The following ULK2 variants were observed in gnomAD, a reference collection of about 807,000 sequenced individuals.
ULK2 encodes unc-51 like autophagy activating kinase 2.
Under a neutral mutation model 127.5 loss-of-function variants are expected in ULK2, and 76 were observed. The ratio of observed to expected loss-of-function variants is 0.60; its 90% CI spans 0.50 to 0.72. ULK2 has a LOEUF of 0.72. Among genes scored for constraint, ULK2 ranks in the 30% least tolerant of loss-of-function variants. The pLI, the probability that ULK2 is intolerant of heterozygous loss-of-function variation, is 0.00. For missense variants in ULK2, 1,144 were observed against 1,295.9 expected (o/e 0.88, Z 1.80); for synonymous variants, 452 against 461.9 (o/e 0.98, Z 0.28).
chr17:19,842,747 G>A (rs2041795578), intron 8 of ULK2, among the ~76,000 whole-genome samples: 1 of 152,040 alleles, frequency 6.6e-6, no homozygotes, highest in Non-Finnish European at 1.5e-5. Context: ...GTCAGAAATA[G>A]AGAGCTAGAG....
At chr17:19,848,956 C>CT (rs1567722807) in intron 5 of ULK2, among the ~76,000 whole-genome samples, 1 of 151,944 alleles carries the variant, frequency 6.6e-6, no homozygotes, top group Non-Finnish European at 1.5e-5. Context: ...TTTTTGTTGC[C>CT]TTTTTTTAAT....
At chr17:19,827,784 C>T (rs1010140267) in intron 10 of ULK2, among the ~76,000 whole-genome samples, 1 of 152,088 alleles carries the variant, frequency 6.6e-6, no homozygotes, top group African/African-American at 2.4e-5. Context: ...GTGGCACATG[C>T]CTGTAATCCC....
rs756982575 is a variant in ULK2 at position 19,846,910 on chromosome 17, G to C, written c.296C>G (p.Ala99Gly). Reference sequence around the variant, plus strand: ...CGTGTCTTCACTGAGAGTCCCTTTCGCTGGTACAAAAGGAGTCACGTAAAT... The same window carrying C: ...CGTGTCTTCACTGAGAGTCCCTTTCCCTGGTACAAAAGGAGTCACGTAAAT... Reference protein sequence around the residue: ...NGGDLADYLQAKGTLSEDTIR... With the variant: ...NGGDLADYLQGKGTLSEDTIR... The change falls in exon 6 of 27, where the codon GCG becomes GGG. Residue 99 changes from alanine to glycine, a missense_variant and splice_region_variant. Around this residue, in one of 2 missense-constraint regions of ULK2, gnomAD observed 231 missense variants for 325.4 expected, o/e 0.71. Coordinates refer to ENST00000395544, the MANE Select transcript of ULK2 (RefSeq NM_014683.4). 3 of 1,605,608 alleles carry C rather than the reference G, an allele frequency of 1.9e-6. No individual in the cohort carries two copies. Among genetic ancestry groups the C allele is most frequent in the Admixed American group, 3.4e-5 (2 of 58,476 alleles).
At chr17:19,776,945 C>T (rs1015673555) in intron 26 of ULK2, among the ~76,000 whole-genome samples, 20 of 152,192 alleles carry the variant, frequency 1.3e-4, no homozygotes, top group Admixed American at 1.2e-3. Flanking sequence ...AGATGAATTA[C>T]GCAGTCACCA....
In ULK2 at chr17:19,777,695, C is replaced by T; in HGVS notation, c.2938G>A (p.Glu980Lys). 3.7e-6 allele frequency: 6 copies of T among 1,612,634 alleles called. No homozygotes were observed. The highest frequency in any genetic ancestry group is 5.1e-6 in the Non-Finnish European group (6 of 1,179,650). Residue 980 changes from glutamate to lysine, a missense_variant, in exon 26 of 27, where the codon GAG becomes AAG. Coordinates refer to ENST00000395544, the MANE Select transcript of ULK2 (RefSeq NM_014683.4). ...VEMVQSAALDEMFQQTEDIVY... is the reference protein window; with the variant it reads ...VEMVQSAALDKMFQQTEDIVY... ...ATATCTTCGGTCTGCTGAAACATCTCATCCAGGGCTGCAGACTGAACCTGG... is the reference window on the plus strand; with the variant it reads ...ATATCTTCGGTCTGCTGAAACATCTTATCCAGGGCTGCAGACTGAACCTGG...
chr17:19,826,351 C>G (rs960328908), intron 10 of ULK2, among the ~76,000 whole-genome samples, 165 bp from the exon 11 acceptor site: 6 of 151,698 alleles, frequency 4.0e-5, no homozygotes, highest in African/African-American at 1.5e-4. Flanking sequence ...TTTATAAATC[C>G]TCTATAAAAT....
chr17:19,867,528 C>T lies in ULK2; in HGVS notation c.-111G>A. 3 of 651,090 alleles carry T rather than the reference C, an allele frequency of 4.6e-6. No individual in the cohort carries two copies. The highest frequency in any genetic ancestry group is 6.5e-6 in the Non-Finnish European group (3 of 460,192). The allele number at this position is 651,090 out of a possible 1,614,324, so 40.3% of individuals were successfully genotyped here. Reference sequence around the variant, plus strand: ...GCGCCAGCGTGCGGCGGGTCTGGGGCAGCCGCAGCCCCGGGCCCGGGCGGA... The same window carrying T: ...GCGCCAGCGTGCGGCGGGTCTGGGGTAGCCGCAGCCCCGGGCCCGGGCGGA... On this transcript the variant is annotated 5_prime_UTR_variant, in exon 1 of 27. Coordinates refer to ENST00000395544, the MANE Select transcript of ULK2 (RefSeq NM_014683.4).
At chr17:19,809,810 C>T (rs2087593581) in intron 14 of ULK2, among the ~76,000 whole-genome samples, 1 of 150,418 alleles carries the variant, frequency 6.6e-6, no homozygotes, top group Non-Finnish European at 1.5e-5. Context: ...AAGGCTGAGA[C>T]AGGAGAATGG....
intron 10 of ULK2, among the ~76,000 whole-genome samples, chr17:19,829,778 G>A (rs2041391346): frequency 6.8e-6 from 1 of 146,022 alleles, no homozygotes; most frequent in South Asian, 2.1e-4. Context: ...GGAGGTTGTT[G>A]CAGTAAACCG....
Position 19,826,175 on chromosome 17 carries a change from TA to T in ULK2, c.798del (p.Phe266LeufsTer11), listed in dbSNP as rs1186936144. The T allele has an allele frequency of 4.1e-6, 6 of 1,474,392 alleles. No homozygotes were observed. Among genetic ancestry groups the T allele is most frequent in the Admixed American group, 2.1e-5 (1 of 48,346 alleles). 91.3% of individuals were successfully genotyped at this position (1,474,392 alleles called of 1,614,324 possible). On this transcript the variant is annotated frameshift_variant, in exon 11 of 27. Transcript: ENST00000395544. LOFTEE classifies it high-confidence loss of function. ...GGACCTTGCTCAAGAAAAGGATGGC[TA>T]AAAAATGCTTCTGTAACAAGAAATG... is the stretch of plus-strand genomic sequence containing the variant. Reference protein sequence around the residue: ...QKDRMDFEAFFSHPFLEQGPV... With the variant: ...QKDRMDFEAFXSHPFLEQGPV...
intron 20 of ULK2, among the ~76,000 whole-genome samples, chr17:19,787,433 T>C (rs750428313): frequency 4.6e-5 from 7 of 152,164 alleles, no homozygotes; most frequent in Non-Finnish European, 8.8e-5. Flanking sequence ...ATTACAGGCG[T>C]GAGCCACTGC....
At chr17:19,852,990 C>A (rs1188444890) in intron 3 of ULK2, among the ~76,000 whole-genome samples, 1 of 151,864 alleles carries the variant, frequency 6.6e-6, no homozygotes, top group Non-Finnish European at 1.5e-5. Context: ...GTGGTTCTCT[C>A]CAGTAAATTC....
intron 13 of ULK2, among the ~76,000 whole-genome samples, chr17:19,815,862 T>A (rs570391724): frequency 1.9e-4 from 29 of 151,316 alleles, no homozygotes; most frequent in Non-Finnish European, 2.9e-4. Flanking sequence ...TAACAAAATT[T>A]AAAAAAAAGA....
intron 3 of ULK2, among the ~76,000 whole-genome samples, chr17:19,863,580 C>G (rs2042289948): frequency 6.6e-6 from 1 of 151,568 alleles, no homozygotes; most frequent in African/African-American, 2.4e-5. Flanking sequence ...CTCACTGCAG[C>G]CTTGAACTCC....
intron 3 of ULK2, among the ~76,000 whole-genome samples, chr17:19,852,518 CAAAA>C (rs1241027121): frequency 9.2e-5 from 5 of 54,428 alleles, no homozygotes; most frequent in Admixed American, 2.1e-4. Flanking sequence ...GACTCCATCT[CAAAA>C]AAAAAAAAAA....
chr17:19,842,082 C>CT (rs2152397173), intron 8 of ULK2, among the ~76,000 whole-genome samples: 1 of 151,786 alleles, frequency 6.6e-6, no homozygotes, highest in Non-Finnish European at 1.5e-5. Context: ...TCCACAACAA[C>CT]AAATAGCTGA....
intron 21 of ULK2, among the ~76,000 whole-genome samples, chr17:19,784,867 T>C (rs942332030): frequency 6.6e-6 from 1 of 152,200 alleles, no homozygotes; most frequent in African/African-American, 2.4e-5. Context: ...AGTTAACAGA[T>C]ATAAAATGTT....
At chr17:19,817,839 TG>T (rs1373902277) in intron 12 of ULK2, among the ~76,000 whole-genome samples, 1 of 152,206 alleles carries the variant, frequency 6.6e-6, no homozygotes, top group Non-Finnish European at 1.5e-5. Flanking sequence ...CACTGTGCCA[TG>T]GTATCGGTCA....
At chr17:19,818,527 AT>A (rs2041051573) in intron 12 of ULK2, among the ~76,000 whole-genome samples, 1 of 152,132 alleles carries the variant, frequency 6.6e-6, no homozygotes, top group Non-Finnish European at 1.5e-5. Flanking sequence ...AATTACCTGC[AT>A]CTACAATCAC....
Sources: allele counts gnomAD v4.1 joint callset (sites outside exome capture counted in the v4.1 genomes callset), GRCh38; gene constraint gnomAD v4.1.1; regional missense constraint gnomAD v4.1.1; transcripts MANE v1.5; gene names NCBI Gene and HGNC (gene_info 2026-07-23, HGNC 2026-07-21).